Variants in TAFA1 observed in about 807,000 individuals in gnomAD.
The protein encoded by TAFA1 is chemokine-like protein TAFA-1.
TAFA1 carries 4 observed loss-of-function variants against 18.5 expected under a neutral mutation model. The observed-to-expected ratio is 0.22, with a 90% CI of 0.11 to 0.49. The LOEUF is 0.49. TAFA1 is among the 20% of genes least tolerant of loss of function. The pLI, the probability that TAFA1 is intolerant of heterozygous loss-of-function variation, is 0.98. For synonymous variants in TAFA1, 56 were observed against 55.2 expected, an observed-to-expected ratio of 1.01 and a Z score of -0.06; for missense variants, 147 against 169.0, an observed-to-expected ratio of 0.87 and a Z score of 0.72.
At position 68,246,589 on chromosome 3, in the gene TAFA1, C is replaced by CAAAA. The variant is rs63748968; in HGVS notation, c.119-170658_119-170655dup. Among the ~76,000 whole-genome samples, 198 of 55,344 alleles carry CAAAA rather than the reference C, an allele frequency of 3.6e-3. 50 individuals are homozygous for CAAAA. The highest frequency in any genetic ancestry group is 8.1e-3 in the African/African-American group (111 of 13,768). The allele number at this position is 55,344 out of a possible 152,430, so 36.3% of individuals were successfully genotyped here. A position where few individuals can be genotyped will look rare whatever the true frequency, so the allele number is the denominator to read the frequency against. On this transcript the variant is annotated intron_variant, in intron 2 of 4. Coordinates refer to ENST00000478136, the MANE Select transcript of TAFA1 (RefSeq NM_213609.4). ...TGGGCGACAGAGCGGGACTCCGTCT[C>CAAAA]AAAAAAAAAAAAAAAAAAAAAAAAA...
chr3:68,488,014 T>C (rs1288053537), intron 3 of TAFA1, among the ~76,000 whole-genome samples: 1 of 152,140 alleles, frequency 6.6e-6, no homozygotes, highest in East Asian at 1.9e-4. Flanking sequence ...GCAATAAGCA[T>C]AGTGTCAGTA....
chr3:68,139,316 C>T (rs1048300933), intron 2 of TAFA1, among the ~76,000 whole-genome samples: 7 of 152,062 alleles, frequency 4.6e-5, no homozygotes, highest in African/African-American at 1.7e-4. Flanking sequence ...GAATAGGTTC[C>T]GTAGAGTGAA....
intron 2 of TAFA1, among the ~76,000 whole-genome samples, chr3:68,047,107 A>C (rs577690381): frequency 2.0e-5 from 3 of 152,300 alleles, no homozygotes; most frequent in South Asian, 2.1e-4. Context: ...TCTCATCCCC[A>C]TGAGGGTAGG....
At chr3:68,134,409 T>G (rs2106888618) in intron 2 of TAFA1, among the ~76,000 whole-genome samples, 1 of 152,280 alleles carries the variant, frequency 6.6e-6, no homozygotes, top group East Asian at 1.9e-4. Flanking sequence ...TATGGTTGTT[T>G]CTTTGCCAAC....
intron 2 of TAFA1, among the ~76,000 whole-genome samples, chr3:68,399,630 TAATG>T (rs1452168544): frequency 2.6e-5 from 4 of 152,130 alleles, no homozygotes; most frequent in Non-Finnish European, 5.9e-5. Flanking sequence ...AATTTCATAA[TAATG>T]GATATATATT....
intron 2 of TAFA1, among the ~76,000 whole-genome samples, chr3:68,245,915 A>G (rs1446911159): frequency 6.6e-6 from 1 of 152,232 alleles, no homozygotes; most frequent in Non-Finnish European, 1.5e-5. Flanking sequence ...CTCATCTAGG[A>G]CAGCCAGGGT....
chr3:68,128,311 C>G (rs1490851571), intron 2 of TAFA1, among the ~76,000 whole-genome samples: 1 of 152,164 alleles, frequency 6.6e-6, no homozygotes, highest in Non-Finnish European at 1.5e-5. Flanking sequence ...GACCATACAT[C>G]CCGCTGCTAA....
chr3:68,300,191 T>G (rs1480239041), intron 2 of TAFA1, among the ~76,000 whole-genome samples: 1 of 152,168 alleles, frequency 6.6e-6, no homozygotes, highest in Non-Finnish European at 1.5e-5. Flanking sequence ...AGGGGGACTT[T>G]ACCCTACAAA....
Position 68,292,385 on chromosome 3 carries a change from GC to G in TAFA1, c.119-124893del, listed in dbSNP as rs1452770852. Reference sequence around the variant, plus strand: ...GCTGTGATTGCACCACAGCACCCCAGCCTGAGCAACAGAGTGAGACTCTGTC... The same window carrying G: ...GCTGTGATTGCACCACAGCACCCCAGCTGAGCAACAGAGTGAGACTCTGTC... On this transcript the variant is annotated intron_variant, in intron 2 of 4. Coordinates refer to ENST00000478136, the MANE Select transcript of TAFA1 (RefSeq NM_213609.4). Among the ~76,000 whole-genome samples, 4 of 140,554 alleles carry G rather than the reference GC, an allele frequency of 2.8e-5. No individual in the cohort carries two copies. In the Admixed American group the frequency reaches 3.0e-4, roughly 10 times the overall value. The allele number at this position is 140,554 out of a possible 152,430, so 92.2% of individuals were successfully genotyped here.
At chr3:68,479,518 G>C (rs563067808) in intron 3 of TAFA1, among the ~76,000 whole-genome samples, 1 of 152,078 alleles carries the variant, frequency 6.6e-6, no homozygotes, top group African/African-American at 2.4e-5. Context: ...CATCTACCAT[G>C]ATTCAGTTGA....
intron 2 of TAFA1, among the ~76,000 whole-genome samples, chr3:68,057,137 T>G (rs1048003988): frequency 2.6e-5 from 4 of 152,212 alleles, no homozygotes; most frequent in Admixed American, 6.5e-5. Context: ...CTCCTGAACC[T>G]GAATCAATGT....
At chr3:68,360,644 T>C (rs1169410007) in intron 2 of TAFA1, among the ~76,000 whole-genome samples, 4 of 151,976 alleles carry the variant, frequency 2.6e-5, no homozygotes, top group African/African-American at 7.2e-5. Flanking sequence ...AGTTAGTCAT[T>C]TGAAATACTG....
intron 2 of TAFA1, among the ~76,000 whole-genome samples, chr3:68,264,981 A>G (rs2067515098): frequency 6.6e-6 from 1 of 152,168 alleles, no homozygotes; most frequent in Non-Finnish European, 1.5e-5. Context: ...GTCTCTCCAT[A>G]TAGAATTCTC....
intron 2 of TAFA1, among the ~76,000 whole-genome samples, chr3:68,329,777 A>T (rs1464604857): frequency 4.6e-5 from 7 of 152,180 alleles, no homozygotes; most frequent in Admixed American, 6.5e-5. Flanking sequence ...TGTATGAATA[A>T]TCTCTGACCT....
intron 2 of TAFA1, among the ~76,000 whole-genome samples, chr3:68,030,428 C>T (rs756964350): frequency 3.3e-5 from 5 of 152,094 alleles, no homozygotes; most frequent in East Asian, 3.9e-4. Flanking sequence ...CCCCACCAGC[C>T]GACAGGCCCC....
chr3:68,317,954 G>C (rs954883477), intron 2 of TAFA1, among the ~76,000 whole-genome samples: 1 of 152,040 alleles, frequency 6.6e-6, no homozygotes, highest in Non-Finnish European at 1.5e-5. Flanking sequence ...GAAATCCAAC[G>C]CTTTGCAATG....
intron 2 of TAFA1, among the ~76,000 whole-genome samples, chr3:68,088,822 G>A (rs559531114): frequency 2.0e-5 from 3 of 152,326 alleles, no homozygotes; most frequent in East Asian, 1.9e-4. Context: ...CCAGCTGGAA[G>A]GCTATTACTG....
At chr3:68,232,048 T>C (rs1444177791) in intron 2 of TAFA1, among the ~76,000 whole-genome samples, 1 of 152,162 alleles carries the variant, frequency 6.6e-6, no homozygotes, top group African/African-American at 2.4e-5. Flanking sequence ...ACCTCAGACA[T>C]TTATCATTTC....
chr3:68,360,784 T>C (rs192720414), intron 2 of TAFA1, among the ~76,000 whole-genome samples: 34 of 152,166 alleles, frequency 2.2e-4, no homozygotes, highest in African/African-American at 7.2e-4. Flanking sequence ...AAAATCACTG[T>C]ACTATACATT....
Sources: gnomAD v4.1 joint callset for allele counts (sites outside exome capture counted in the v4.1 genomes callset) on GRCh38, gnomAD v4.1.1 for gene constraint, MANE v1.5 for transcripts, NCBI Gene and HGNC (gene_info 2026-07-23, HGNC 2026-07-21) for gene names.